GNG4: variants seen among roughly 807,000 people sequenced by gnomAD.
GNG4 encodes guanine nucleotide-binding protein G(I)/G(S)/G(O) subunit gamma-4.
GNG4 carries 4 observed loss-of-function variants against 5.8 expected under a neutral mutation model. The observed-to-expected ratio is 0.69, with a 90% CI of 0.34 to 1.57. The LOEUF (loss-of-function observed/expected upper bound fraction) is 1.57, where lower values mean the gene tolerates loss of function less well. GNG4 is among the 40% of genes most tolerant of loss of function. The pLI, the probability that GNG4 is intolerant of heterozygous loss-of-function variation, is 0.06. For synonymous variants in GNG4, 29 were observed against 32.9 expected (o/e 0.88, Z 0.41); for missense variants, 96 against 95.1 (o/e 1.01, Z -0.04).
chr1:235,556,887 C>T (rs1244529812), intron 3 of GNG4, among the ~76,000 whole-genome samples: 2 of 151,942 alleles, frequency 1.3e-5, no homozygotes, highest in Non-Finnish European at 2.9e-5. Context: ...TAATCAGACA[C>T]AGGATTCTCA....
At chr1:235,569,934 C>T (rs1687293609) in intron 3 of GNG4, among the ~76,000 whole-genome samples, 1 of 151,526 alleles carries the variant, frequency 6.6e-6, no homozygotes, top group Non-Finnish European at 1.5e-5. Flanking sequence ...TTGCTATTGA[C>T]TTATTTGTTG....
At chr1:235,618,758 C>A (rs1688649484) in intron 1 of GNG4, among the ~76,000 whole-genome samples, 1 of 151,470 alleles carries the variant, frequency 6.6e-6, no homozygotes, top group Non-Finnish European at 1.5e-5. Context: ...TGGGTTCAAG[C>A]AATTCTCCTG....
At chr1:235,638,113 C>T (rs10926318) in intron 1 of GNG4, among the ~76,000 whole-genome samples, 80,096 of 152,128 alleles carry the variant, frequency 0.53, 23,533 homozygotes, top group East Asian at 0.85. Context: ...TGTTTTTAAA[C>T]CCCTTCCAGG....
chr1:235,606,983 G>T lies in GNG4; in HGVS notation c.-122-11472C>A, dbSNP rs563469754. ...TTTTTTTGAGACAGAGTCTCACCCA[G>T]GCTGGAGTGCAGTCGTGTGATCTCA... On this transcript the variant is annotated intron_variant, in intron 1 of 3. Transcript: ENST00000391854. Among the ~76,000 whole-genome samples, 47 of 142,124 alleles carry T rather than the reference G, an allele frequency of 3.3e-4. 1 individual carries two copies. In the Middle Eastern group the frequency reaches 0.018, roughly 53 times the overall value. The allele number at this position is 142,124 out of a possible 152,430, so 93.2% of individuals were successfully genotyped here. A position where few individuals can be genotyped will look rare whatever the true frequency, so the allele number is the denominator to read the frequency against.
intron 3 of GNG4, 58 bp downstream of exon 3, chr1:235,583,682 G>A (rs1343763540): frequency 5.4e-6 from 6 of 1,105,326 alleles, no homozygotes; most frequent in Non-Finnish European, 8.3e-6. Flanking sequence ...TTGGAAGCAG[G>A]AGGAATGTTT....
chr1:235,565,275 C>T (rs1304683046), intron 3 of GNG4, among the ~76,000 whole-genome samples: 3 of 151,912 alleles, frequency 2.0e-5, no homozygotes, highest in African/African-American at 7.3e-5. Context: ...CCGAGGTGGG[C>T]GGATCACCTG....
intron 3 of GNG4, among the ~76,000 whole-genome samples, chr1:235,582,778 T>C (rs2774333): frequency 0.41 from 62,421 of 152,078 alleles, 13,717 homozygotes; most frequent in East Asian, 0.79. Flanking sequence ...TACATCACGC[T>C]GGATTCCTTC....
chr1:235,645,797 C>CAAAAAAAAAAAAAAAAA (rs6143682), intron 1 of GNG4, among the ~76,000 whole-genome samples: 2 of 90,382 alleles, frequency 2.2e-5, no homozygotes, highest in African/African-American at 8.2e-5. Flanking sequence ...AACTCAGTCT[C>CAAAAAAAAAAAAAAAAA]AAAAAAAAAA....
chr1:235,609,324 A>G (rs72761753), intron 1 of GNG4, among the ~76,000 whole-genome samples: 13,500 of 152,168 alleles, frequency 0.089, 842 homozygotes, highest in Middle Eastern at 0.15. Flanking sequence ...TGCCACGAAC[A>G]TGTATTTGAG....
intron 3 of GNG4, among the ~76,000 whole-genome samples, chr1:235,577,272 G>A (rs928939041): frequency 7.9e-5 from 12 of 152,108 alleles, no homozygotes; most frequent in African/African-American, 2.7e-4. Flanking sequence ...TCACCTGGAA[G>A]CCAGCTCTGT....
chr1:235,583,174 C>T (rs568186161), intron 3 of GNG4, among the ~76,000 whole-genome samples: 162 of 152,302 alleles, frequency 1.1e-3, no homozygotes, highest in African/African-American at 3.7e-3. Context: ...CTTTGCCTGG[C>T]CTTCTGCTCA....
intron 2 of GNG4, among the ~76,000 whole-genome samples, chr1:235,589,709 G>A (rs998362414): frequency 6.6e-6 from 1 of 152,180 alleles, no homozygotes; most frequent in Non-Finnish European, 1.5e-5. Context: ...GGAGGGACAA[G>A]GGGAGAAAGC....
At chr1:235,584,391 G>A (rs1687712536) in intron 2 of GNG4, among the ~76,000 whole-genome samples, 1 of 152,116 alleles carries the variant, frequency 6.6e-6, no homozygotes. Context: ...TGTCTCAAAT[G>A]GCCTCTCCTA....
chr1:235,616,105 G>T (rs966941775), intron 1 of GNG4: 3 of 447,340 alleles, frequency 6.7e-6, no homozygotes, highest in South Asian at 1.6e-5. Flanking sequence ...GCGCTAGGAG[G>T]ACCATTCAGC....
chr1:235,608,530 T>C (rs1188923153), intron 1 of GNG4, among the ~76,000 whole-genome samples: 1 of 152,104 alleles, frequency 6.6e-6, no homozygotes, highest in Non-Finnish European at 1.5e-5. Flanking sequence ...TCTCTTCACT[T>C]CCCGCTCCTC....
intron 2 of GNG4, among the ~76,000 whole-genome samples, chr1:235,585,197 T>C (rs1056031611): frequency 1.3e-5 from 2 of 151,056 alleles, no homozygotes; most frequent in Admixed American, 1.3e-4. Flanking sequence ...TTTCCTATGC[T>C]TCTTTTTCCT....
chr1:235,619,101 A>G (rs1688654907), intron 1 of GNG4, among the ~76,000 whole-genome samples: 1 of 132,080 alleles, frequency 7.6e-6, no homozygotes, highest in Admixed American at 8.0e-5. Flanking sequence ...GGAGTTCAAG[A>G]CCACCCTCGG....
At chr1:235,563,355 G>A (rs1687114690) in intron 3 of GNG4, among the ~76,000 whole-genome samples, 2 of 121,342 alleles carry the variant, frequency 1.6e-5, no homozygotes, top group Admixed American at 2.3e-4. Flanking sequence ...GCAGTGAGCA[G>A]AGATCGCCCC....
At chr1:235,632,953 C>T (rs1468264950) in intron 1 of GNG4, among the ~76,000 whole-genome samples, 1 of 152,072 alleles carries the variant, frequency 6.6e-6, no homozygotes, top group African/African-American at 2.4e-5. Context: ...AGGCTGTCAC[C>T]CACGGACACT....
Sources: gnomAD v4.1 joint callset for allele counts (sites outside exome capture counted in the v4.1 genomes callset) on GRCh38, gnomAD v4.1.1 for gene constraint, MANE v1.5 for transcripts, NCBI Gene and HGNC (gene_info 2026-07-23, HGNC 2026-07-21) for gene names.